Variants in MED27 observed in about 807,000 individuals in gnomAD.
MED27 encodes the protein mediator of RNA polymerase II transcription subunit 27.
A neutral mutation model predicts 38.2 loss-of-function variants in MED27; 30 were observed. The observed-to-expected ratio is 0.79, with a 90% CI of 0.59 to 1.07. The LOEUF (loss-of-function observed/expected upper bound fraction) is 1.07. MED27 is among the 50% of genes least tolerant of loss of function. The probability of loss-of-function intolerance (pLI) is 0.00; values close to 1 mark genes in which losing one functional copy is unlikely to be tolerated. For synonymous variants in MED27, 122 were observed against 153.5 expected (o/e 0.79, Z 1.52); for missense variants, 289 against 397.5 (o/e 0.73, Z 2.32).
intron 2 of MED27, among the ~76,000 whole-genome samples, chr9:132,057,027 G>A (rs1415665098): frequency 1.3e-5 from 2 of 152,234 alleles, no homozygotes; most frequent in Non-Finnish European, 2.9e-5. Flanking sequence ...ACAGCACCAA[G>A]ACTCACAAAG....
At chr9:132,038,488 G>A (rs7041153) in intron 2 of MED27, among the ~76,000 whole-genome samples, 4,374 of 150,040 alleles carry the variant, frequency 0.029, 199 homozygotes, top group African/African-American at 0.095. Context: ...CACCGCGCCC[G>A]GCCGCCAGGC....
At chr9:131,885,686 A>G (rs541585021) in intron 5 of MED27, among the ~76,000 whole-genome samples, 156 of 152,342 alleles carry the variant, frequency 1.0e-3, no homozygotes, top group African/African-American at 3.6e-3. Context: ...ACTGGTTTGC[A>G]TGATATACCA....
In MED27 at chr9:131,893,896, C is replaced by T; in HGVS notation, c.670G>A (p.Glu224Lys). 1 of 1,613,242 alleles carries T rather than the reference C, an allele frequency of 6.2e-7. No homozygotes were observed. The highest frequency in any genetic ancestry group is 8.5e-7 in the Non-Finnish European group (1 of 1,179,304). The change falls in exon 5 of 8, where the codon GAA becomes AAA. Residue 224 changes from glutamate (E) to lysine (K), a missense_variant. Physicochemically the swap from Glu to Lys is moderately conservative, Grantham distance 56. Coordinates refer to ENST00000292035, the MANE Select transcript of MED27 (RefSeq NM_004269.4). ...VKGYNENVYT[E>K]DGKLDIWSKS... Reference sequence around the variant, plus strand: ...TGCACAATGCTTACCTTGCCATCTTCTGTGTAGACATTCTCGTTATATCCC... The same window carrying T: ...TGCACAATGCTTACCTTGCCATCTTTTGTGTAGACATTCTCGTTATATCCC...
At chr9:132,066,707 G>C (rs1833817490) in intron 2 of MED27, among the ~76,000 whole-genome samples, 1 of 152,210 alleles carries the variant, frequency 6.6e-6, no homozygotes, top group Non-Finnish European at 1.5e-5. Context: ...AGTTCCAGAA[G>C]CCAAAGAAAA....
intron 6 of MED27, among the ~76,000 whole-genome samples, chr9:131,865,396 C>T (rs978850000): frequency 3.3e-5 from 5 of 152,170 alleles, no homozygotes; most frequent in African/African-American, 7.2e-5. Context: ...GAACGGTCCC[C>T]GAACTTGAAC....
Position 132,001,917 on chromosome 9 carries a change from CT to C in MED27, c.479+12419del, listed in dbSNP as rs201976925. On this transcript the variant is annotated intron_variant, in intron 3 of 7. Coordinates refer to ENST00000292035, the MANE Select transcript of MED27 (RefSeq NM_004269.4). ...GGGAGCTGCTTAAAAATATGGATGA[CT>C]GGGCCTCTTCCCTGAAACAACTCCC... Among the ~76,000 whole-genome samples the C allele has an allele frequency of 1.4e-3, 220 of 152,326 alleles. 5 individuals are homozygous for C. The East Asian group carries it at 0.037, about 26-fold the overall frequency.
At chr9:131,905,532 C>A (rs117054348) in intron 4 of MED27, among the ~76,000 whole-genome samples, 1 of 152,008 alleles carries the variant, frequency 6.6e-6, no homozygotes, top group African/African-American at 2.4e-5. Flanking sequence ...CTTAGGCCAA[C>A]AAAACTGCGT....
chr9:131,898,677 A>G (rs564412418), intron 4 of MED27, among the ~76,000 whole-genome samples: 5 of 151,024 alleles, frequency 3.3e-5, no homozygotes, highest in Non-Finnish European at 7.4e-5. Flanking sequence ...ACCTCCCTTC[A>G]AAGTTCAAGC....
At chr9:131,908,436 C>T (rs374401034) in intron 4 of MED27, among the ~76,000 whole-genome samples, 8 of 152,164 alleles carry the variant, frequency 5.3e-5, no homozygotes, top group African/African-American at 1.2e-4. Context: ...GAATAGAAAG[C>T]GGGGAAAGGT....
chr9:132,002,309 G>C (rs1245174487), intron 3 of MED27, among the ~76,000 whole-genome samples: 1 of 152,150 alleles, frequency 6.6e-6, no homozygotes, highest in African/African-American at 2.4e-5. Flanking sequence ...CTGAAAACAG[G>C]TTTTTCATGT....
At chr9:131,875,640 C>T (rs926308652) in intron 6 of MED27, among the ~76,000 whole-genome samples, 3 of 152,188 alleles carry the variant, frequency 2.0e-5, no homozygotes, top group Non-Finnish European at 2.9e-5. Context: ...TTCATACCTA[C>T]GAATTCAACT....
chr9:131,969,710 C>G (rs1454074886), intron 3 of MED27, among the ~76,000 whole-genome samples: 2 of 152,110 alleles, frequency 1.3e-5, no homozygotes. Context: ...ACACAGAGCT[C>G]AGAGGCTTGA....
At chr9:132,012,490 A>G (rs1368696970) in intron 3 of MED27, among the ~76,000 whole-genome samples, 1 of 152,170 alleles carries the variant, frequency 6.6e-6, no homozygotes, top group African/African-American at 2.4e-5. Context: ...GCAAGTGTGA[A>G]CTGTGAAGAA....
intron 2 of MED27, among the ~76,000 whole-genome samples, chr9:132,040,102 T>C (rs1282270770): frequency 6.6e-6 from 1 of 152,194 alleles, no homozygotes; most frequent in Non-Finnish European, 1.5e-5. Flanking sequence ...CAGCTCCTTA[T>C]ACATCACTTT....
At chr9:131,875,620 C>G (rs1838917205) in intron 6 of MED27, among the ~76,000 whole-genome samples, 1 of 152,192 alleles carries the variant, frequency 6.6e-6, no homozygotes, top group African/African-American at 2.4e-5. Context: ...ACAAGACATT[C>G]ACCTTACACT....
chr9:132,055,608 C>A (rs539418769), intron 2 of MED27, among the ~76,000 whole-genome samples: 1 of 152,248 alleles, frequency 6.6e-6, no homozygotes, highest in African/African-American at 2.4e-5. Flanking sequence ...TATTAAGATG[C>A]CTTATACTCA....
At chr9:131,895,293 G>A (rs545755965) in intron 4 of MED27, among the ~76,000 whole-genome samples, 2 of 152,182 alleles carry the variant, frequency 1.3e-5, no homozygotes, top group South Asian at 2.1e-4. Context: ...CCCATAGTGC[G>A]AGTTGCTCTG....
intron 4 of MED27, among the ~76,000 whole-genome samples, chr9:131,898,385 A>G (rs1328530411): frequency 6.6e-6 from 1 of 151,574 alleles, no homozygotes; most frequent in Non-Finnish European, 1.5e-5. Flanking sequence ...TAATTTTTGT[A>G]TTTTTGTTTA....
At chr9:131,953,629 C>A (rs1339905424) in intron 3 of MED27, among the ~76,000 whole-genome samples, 1 of 151,760 alleles carries the variant, frequency 6.6e-6, no homozygotes, top group African/African-American at 2.4e-5. Flanking sequence ...AAATACTATA[C>A]AAATAATAGA....
Sources: allele counts gnomAD v4.1 joint callset (sites outside exome capture counted in the v4.1 genomes callset), GRCh38; gene constraint gnomAD v4.1.1; transcripts MANE v1.5; gene names NCBI Gene and HGNC (gene_info 2026-07-23, HGNC 2026-07-21).